The following BCAR1 variants were observed in gnomAD, a reference collection of about 807,000 sequenced individuals.
The protein encoded by BCAR1 is breast cancer anti-estrogen resistance protein 1.
BCAR1 carries 30 observed loss-of-function variants against 67.6 expected under a neutral mutation model. That is an observed-to-expected ratio of 0.44 (90% confidence interval 0.33 to 0.60). BCAR1 has a LOEUF of 0.60. Ranked by LOEUF, BCAR1 falls within the 20% of genes least tolerant of loss-of-function variation. BCAR1 has a pLI of 0.02. For missense variants in BCAR1, 1,313 were observed against 1,222.3 expected (o/e 1.07, Z -1.11); for synonymous variants, 626 against 556.7 (o/e 1.12, Z -1.75).
rs2077067386 is a variant in BCAR1 at position 75,235,282 on chromosome 16, G to C, written c.1617C>G (p.Ala539=). 6.2e-7 allele frequency: 1 copy of C among 1,606,040 alleles called. No homozygotes were observed. Among genetic ancestry groups the C allele is most frequent in the Admixed American group, 1.7e-5 (1 of 59,880 alleles). Residue 539 remains alanine, a synonymous_variant, in exon 5 of 7, where the codon GCC becomes GCG. Transcript: ENST00000162330. ...AAHTSDRALH[A]KLSRQLQKME... Reference sequence around the variant, plus strand: ...TCTTCTGCAGCTGCCGGCTAAGCTTGGCATGCAGGGCACGGTCAGATGTGT... The same window carrying C: ...TCTTCTGCAGCTGCCGGCTAAGCTTCGCATGCAGGGCACGGTCAGATGTGT...
At chr16:75,263,513 C>G in intron 1 of BCAR1, 1 of 985,524 alleles carries the variant, frequency 1.0e-6, no homozygotes. Flanking sequence ...TGGCTCCTTC[C>G]CCTCTCTGGG....
At chr16:75,230,599 A>G (rs866115430) in intron 6 of BCAR1, among the ~76,000 whole-genome samples, 2 of 152,204 alleles carry the variant, frequency 1.3e-5, no homozygotes, top group African/African-American at 2.4e-5. Flanking sequence ...ACCACACACG[A>G]AAGTTAACAT....
chr16:75,232,848 C>T (rs1451817899), intron 6 of BCAR1, among the ~76,000 whole-genome samples: 1 of 152,190 alleles, frequency 6.6e-6, no homozygotes, highest in East Asian at 1.9e-4. Flanking sequence ...GGTCTCAGGC[C>T]CCTGCCTCTG....
intron 5 of BCAR1, among the ~76,000 whole-genome samples, chr16:75,234,160 G>GGCAGACAC (rs1555534905): frequency 1.1e-5 from 1 of 87,804 alleles, no homozygotes; most frequent in Non-Finnish European, 2.4e-5. Context: ...GGGGCAGGCA[G>GGCAGACAC]ACAGACACAC....
At chr16:75,246,357 C>G (rs1460212440) in intron 1 of BCAR1, 1 of 152,254 alleles carries the variant, frequency 6.6e-6, no homozygotes, top group Non-Finnish European at 1.5e-5. Context: ...GACAAGGCCT[C>G]TGTCTGAACC....
intron 4 of BCAR1, chr16:75,236,388 G>C (rs1292538823): frequency 1.6e-5 from 5 of 314,418 alleles, no homozygotes; most frequent in South Asian, 6.1e-5. Context: ...ATCATATCAT[G>C]ATTTCATCAC....
intron 1 of BCAR1, 22 bp from the exon 2 acceptor site, chr16:75,243,112 G>A (rs369167667): frequency 5.8e-6 from 9 of 1,563,028 alleles, no homozygotes; most frequent in Non-Finnish European, 7.8e-6. Flanking sequence ...GGACACAGGT[G>A]TGAGAACAGA....
In BCAR1 at chr16:75,235,112, AAGG is replaced by A. The variant is rs754921842; in HGVS notation, c.1784_1786del (p.Ser595del). On this transcript the variant is annotated inframe_deletion, in exon 5 of 7. Coordinates refer to ENST00000162330, the MANE Select transcript of BCAR1 (RefSeq NM_014567.5). ...GAGCAGTGAGGCATTGCCGTGCAGG[AAGG>A]AGGCCAGCTGCTTGGCGTCCTCGGG... The A allele has an allele frequency of 6.2e-7, 1 of 1,611,508 alleles. No individual in the cohort carries two copies. The highest frequency in any genetic ancestry group is 8.5e-7 in the Non-Finnish European group (1 of 1,180,002).
chr16:75,265,148 A>G (rs914710119), intron 1 of BCAR1: 6 of 152,420 alleles, frequency 3.9e-5, no homozygotes, highest in African/African-American at 1.4e-4. Flanking sequence ...CCCTACGGCC[A>G]GCGGGGAGGA....
rs539867192 is a variant in BCAR1 at position 75,266,029 on chromosome 16, C to G, written c.66+1886G>C. Reference sequence around the variant, plus strand: ...GCATGCGCCGCCCGCGCCGCCCCCCCCACCGTCTCCGCGGCCAGGGACGCG... The same window carrying G: ...GCATGCGCCGCCCGCGCCGCCCCCCGCACCGTCTCCGCGGCCAGGGACGCG... On this transcript the variant is annotated intron_variant, in intron 1 of 6. Coordinates refer to the BCAR1 transcript ENST00000393422. 2.2e-4 allele frequency: 227 copies of G among 1,029,756 alleles called. 1 individual carries two copies. In the Admixed American group the frequency reaches 4.3e-3, roughly 20 times the overall value. 63.8% of individuals were successfully genotyped at this position (1,029,756 alleles called of 1,614,324 possible).
At chr16:75,231,376 C>G (rs1224841959) in intron 6 of BCAR1, among the ~76,000 whole-genome samples, 1 of 152,192 alleles carries the variant, frequency 6.6e-6, no homozygotes, top group African/African-American at 2.4e-5. Flanking sequence ...TGAGCCACTG[C>G]ACCCAGCCCT....
At chr16:75,267,819 C>A in intron 1 of BCAR1, 1 of 1,334,514 alleles carries the variant, frequency 7.5e-7, no homozygotes, top group South Asian at 1.3e-5. Context: ...TCCATCTCAT[C>A]CTGCCTCTTA....
At chr16:75,238,299 C>T in intron 2 of BCAR1, 5 of 1,146,670 alleles carry the variant, frequency 4.4e-6, no homozygotes, top group Non-Finnish European at 5.4e-6. Flanking sequence ...GGGCACACTG[C>T]GCCCACACGC....
At chr16:75,248,214 C>T in intron 1 of BCAR1, 1 of 1,547,316 alleles carries the variant, frequency 6.5e-7, no homozygotes. Context: ...TTCGTGGAAA[C>T]CACCAGAGGA....
upstream of BCAR1, among the ~76,000 whole-genome samples, chr16:75,253,751 G>A (rs112395089): frequency 0.044 from 6,655 of 151,480 alleles, 488 homozygotes; most frequent in African/African-American, 0.15. Context: ...TGGGGGGTGG[G>A]GGAGGAGCAC....
intron 2 of BCAR1, among the ~76,000 whole-genome samples, chr16:75,241,470 G>A (rs932031631): frequency 2.0e-5 from 3 of 152,116 alleles, no homozygotes; most frequent in Non-Finnish European, 4.4e-5. Flanking sequence ...GGGGATAACA[G>A]GACCCTGCTC....
chr16:75,240,694 C>T (rs1398410293), intron 2 of BCAR1, among the ~76,000 whole-genome samples: 2 of 152,328 alleles, frequency 1.3e-5, no homozygotes, highest in African/African-American at 2.4e-5. Context: ...TACAAGCAGA[C>T]ACAATCAAGA....
At chr16:75,240,154 C>T (rs938551561) in intron 2 of BCAR1, among the ~76,000 whole-genome samples, 1 of 152,234 alleles carries the variant, frequency 6.6e-6, no homozygotes, top group African/African-American at 2.4e-5. Context: ...CCCTCCTGGC[C>T]ACCATCCTTG....
chr16:75,239,180 C>T (rs1303846519), intron 2 of BCAR1: 13 of 919,452 alleles, frequency 1.4e-5, no homozygotes, highest in Non-Finnish European at 1.6e-5. Context: ...AGCCCCACTG[C>T]TAATCACAGG....
Sources: allele counts gnomAD v4.1 joint callset (sites outside exome capture counted in the v4.1 genomes callset), GRCh38; gene constraint gnomAD v4.1.1; transcripts MANE v1.5; gene names NCBI Gene and HGNC (gene_info 2026-07-23, HGNC 2026-07-21).